XRCC4: variants seen among roughly 807,000 people sequenced by gnomAD.
The protein encoded by XRCC4 is X-ray repair cross complementing 4.
In XRCC4, 28 loss-of-function variants were observed where a neutral mutation model predicts 39.1. The observed-to-expected ratio is 0.72, with a 90% CI of 0.53 to 0.98. XRCC4 has a LOEUF of 0.98. Among genes scored for constraint, XRCC4 ranks in the 50% least tolerant of loss-of-function variants. The pLI is 0.00. For missense variants in XRCC4, 350 were observed against 376.4 expected (o/e 0.93, Z 0.58); for synonymous variants, 123 against 126.4 (o/e 0.97, Z 0.18).
intron 3 of XRCC4, among the ~76,000 whole-genome samples, chr5:83,143,966 T>C (rs1257149171): frequency 6.6e-6 from 1 of 152,054 alleles, no homozygotes; most frequent in Non-Finnish European, 1.5e-5. Flanking sequence ...GGATGAATTA[T>C]ATATTGGTGA....
At position 83,203,065 on chromosome 5, in the gene XRCC4, A is replaced by G. The variant is rs886428333; in HGVS notation, c.483-487A>G. Among the ~76,000 whole-genome samples the G allele has an allele frequency of 4.6e-5, 7 of 152,128 alleles. No individual in the cohort carries two copies. The South Asian group carries it at 8.3e-4, about 18-fold the overall frequency. ...GTGTGTGTGTGTGTGGTGCTCGCTTATAAGAATATAACTGGATAAGTCGTG... is the reference window on the plus strand; with the variant it reads ...GTGTGTGTGTGTGTGGTGCTCGCTTGTAAGAATATAACTGGATAAGTCGTG... On this transcript the variant is annotated intron_variant, in intron 4 of 7. Coordinates refer to ENST00000396027, the MANE Select transcript of XRCC4 (RefSeq NM_003401.5).
At chr5:83,285,651 A>G (rs1419354105) in intron 7 of XRCC4, among the ~76,000 whole-genome samples, 1 of 152,182 alleles carries the variant, frequency 6.6e-6, no homozygotes, top group Non-Finnish European at 1.5e-5. Flanking sequence ...ATATTCCACA[A>G]AGATAAACTG....
chr5:83,322,722 T>C (rs772873998), intron 7 of XRCC4, among the ~76,000 whole-genome samples: 2 of 152,010 alleles, frequency 1.3e-5, no homozygotes. Context: ...GAGGCAGAGA[T>C]TGGAGAGATG....
At chr5:83,362,410 ACCACAACTGGTT>A in the XRCC4 span, among the ~76,000 whole-genome samples, 2 of 151,668 alleles carry the variant, frequency 1.3e-5, no homozygotes, top group African/African-American at 4.8e-5. Flanking sequence ...TTCTATAGTG[ACCACAACTGGTT>A]GTCTTTCCTT....
chr5:83,222,804 G>C (rs1399831296), intron 6 of XRCC4, among the ~76,000 whole-genome samples: 1 of 152,138 alleles, frequency 6.6e-6, no homozygotes, highest in Non-Finnish European at 1.5e-5. Context: ...CTTGAGTGGA[G>C]TGGTGCGATC....
chr5:83,336,961 T>TC (rs1756612913), intron 7 of XRCC4, among the ~76,000 whole-genome samples: 1 of 152,212 alleles, frequency 6.6e-6, no homozygotes, highest in Non-Finnish European at 1.5e-5. Flanking sequence ...ACTGACCAGC[T>TC]ATAGTTGTCA....
intron 6 of XRCC4, among the ~76,000 whole-genome samples, chr5:83,209,402 T>C (rs765437062): frequency 8.5e-5 from 13 of 152,118 alleles, no homozygotes; most frequent in Non-Finnish European, 8.8e-5. Flanking sequence ...AGTTTCGCAT[T>C]GTGCAGTTTT....
the XRCC4 span, among the ~76,000 whole-genome samples, chr5:83,362,316 A>AAAAAC: frequency 2.7e-5 from 4 of 146,044 alleles, no homozygotes; most frequent in African/African-American, 1.1e-4. Context: ...AAAAAAAAAA[A>AAAAAC]AACTATCTCA....
intron 3 of XRCC4, among the ~76,000 whole-genome samples, chr5:83,176,762 C>T (rs1749978653): frequency 1.3e-5 from 2 of 151,990 alleles, no homozygotes; most frequent in African/African-American, 2.4e-5. Flanking sequence ...GCTGGGACTA[C>T]AGGGGCACGC....
chr5:83,357,876 T>A (rs917410452), downstream of XRCC4, among the ~76,000 whole-genome samples: 8 of 152,326 alleles, frequency 5.3e-5, no homozygotes, highest in South Asian at 1.7e-3. Context: ...GCACTCAGTA[T>A]TATTTATAGA....
At chr5:83,197,134 A>G (rs924675671) in intron 4 of XRCC4, among the ~76,000 whole-genome samples, 7 of 151,600 alleles carry the variant, frequency 4.6e-5, no homozygotes, top group Non-Finnish European at 8.8e-5. Flanking sequence ...TATAAATAAT[A>G]TAAAAATGAG....
the XRCC4 span, among the ~76,000 whole-genome samples, chr5:83,364,249 C>T: frequency 3.9e-5 from 6 of 152,046 alleles, no homozygotes; most frequent in African/African-American, 1.2e-4. Context: ...ATTTTGTTTT[C>T]AAGTTTCAAC....
At chr5:83,256,965 A>G (rs796588760) in intron 6 of XRCC4, among the ~76,000 whole-genome samples, 1 of 152,168 alleles carries the variant, frequency 6.6e-6, no homozygotes, top group South Asian at 2.1e-4. Context: ...ACAAGGTAAT[A>G]CATGGAAAAC....
At chr5:83,228,968 CAT>C (rs1752392298) in intron 6 of XRCC4, among the ~76,000 whole-genome samples, 1 of 152,034 alleles carries the variant, frequency 6.6e-6, no homozygotes, top group Non-Finnish European at 1.5e-5. Flanking sequence ...TTGGCACTAT[CAT>C]GTGTTTCAAC....
intron 7 of XRCC4, among the ~76,000 whole-genome samples, chr5:83,308,120 A>T (rs1279679698): frequency 6.6e-6 from 1 of 152,174 alleles, no homozygotes; most frequent in African/African-American, 2.4e-5. Flanking sequence ...TTCCCAGGGC[A>T]GTTCAACTTT....
At chr5:83,369,814 G>A in the XRCC4 span, among the ~76,000 whole-genome samples, 6 of 152,064 alleles carry the variant, frequency 3.9e-5, no homozygotes, top group African/African-American at 1.2e-4. Context: ...TTAGTTCTTT[G>A]AGAAATCTCC....
At chr5:83,355,282 A>T (rs550388347), downstream of XRCC4, among the ~76,000 whole-genome samples, 54 of 152,172 alleles carry the variant, frequency 3.5e-4, no homozygotes, top group South Asian at 1.9e-3. Flanking sequence ...TCTCTGTCCC[A>T]TTAAAAGGTT....
intron 3 of XRCC4, among the ~76,000 whole-genome samples, chr5:83,149,146 G>A (rs1206586046): frequency 6.6e-6 from 1 of 152,046 alleles, no homozygotes; most frequent in South Asian, 2.1e-4. Flanking sequence ...TTTCCTAATG[G>A]TATCTGTAGC....
intron 7 of XRCC4, among the ~76,000 whole-genome samples, chr5:83,293,547 T>C (rs1047109742): frequency 1.3e-5 from 2 of 152,052 alleles, no homozygotes; most frequent in African/African-American, 4.8e-5. Flanking sequence ...AATCAGACTT[T>C]CTTGGAAATC....
Sources: allele counts gnomAD v4.1 joint callset (sites outside exome capture counted in the v4.1 genomes callset), GRCh38; gene constraint gnomAD v4.1.1; transcripts MANE v1.5; gene names NCBI Gene and HGNC (gene_info 2026-07-23, HGNC 2026-07-21).